Variants in NINL observed in about 807,000 individuals in gnomAD.
NINL encodes the protein ninein-like protein.
In NINL, 153 loss-of-function variants were observed where a neutral mutation model predicts 160.3. The observed-to-expected ratio is 0.95, with a 90% confidence interval of 0.84 to 1.09. The LOEUF is 1.09. Ranked by LOEUF, NINL falls within the 50% of genes least tolerant of loss-of-function variation. NINL has a pLI of 0.00. For missense variants in NINL, 1,829 were observed against 1,764.0 expected (o/e 1.04, Z -0.66); for synonymous variants, 800 against 734.8 (o/e 1.09, Z -1.43).
rs769108338 is a variant in NINL at position 25,477,051 on chromosome 20, C to T, written c.2240G>A (p.Gly747Glu). The change falls in exon 17 of 24, where the codon GGG (glycine) becomes GAG (glutamate). Residue 747 changes from glycine to glutamate, a missense_variant. Coordinates refer to ENST00000278886, the MANE Select transcript of NINL (RefSeq NM_025176.6). ...AEAELSGELS[G>E]LGALPARRDL... ...TCTGCGAGCGGGCAGGGCTCCCAGCCCCGACAGCTCTCCACTCAGCTCCGC... is the reference window on the plus strand; with the variant it reads ...TCTGCGAGCGGGCAGGGCTCCCAGCTCCGACAGCTCTCCACTCAGCTCCGC... 1.9e-6 allele frequency: 3 copies of T among 1,598,554 alleles called. No homozygotes were observed. The highest frequency in any genetic ancestry group is 1.7e-4 in the Middle Eastern group (1 of 6,000).
chr20:25,575,706 G>A (rs566551288), intron 1 of NINL, among the ~76,000 whole-genome samples: 39 of 151,098 alleles, frequency 2.6e-4, no homozygotes, highest in African/African-American at 8.8e-4. Flanking sequence ...AGCCGAGATC[G>A]CGCCATCCAG....
rs148370581 is a variant in NINL, at chr20:25,525,166, G to A, written c.180+1242C>T. On this transcript the variant is annotated intron_variant, in intron 2 of 23. Coordinates refer to ENST00000278886, the MANE Select transcript of NINL (RefSeq NM_025176.6). ...GAGAAAGGGCATGAGTTTGCCTGAG[G>A]AGAGTTCCTTATGAGGGAGGCACAG... 9.2e-5 allele frequency among the ~76,000 whole-genome samples: 14 copies of A among 152,298 alleles called. No individual in the cohort carries two copies. In the East Asian group the frequency reaches 2.7e-3, roughly 29 times the overall value.
At chr20:25,554,081 A>C (rs2064835576) in intron 1 of NINL, among the ~76,000 whole-genome samples, 1 of 152,180 alleles carries the variant, frequency 6.6e-6, no homozygotes, top group Admixed American at 6.5e-5. Context: ...GTGTGGGGGA[A>C]GTGAGAGTGA....
intron 1 of NINL, among the ~76,000 whole-genome samples, chr20:25,543,788 A>C (rs2064698111): frequency 6.6e-6 from 1 of 152,064 alleles, no homozygotes; most frequent in East Asian, 1.9e-4. Context: ...TTGATGTTGA[A>C]AGCAACCAAC....
intron 1 of NINL, among the ~76,000 whole-genome samples, chr20:25,582,922 T>C (rs1442316083): frequency 1.3e-5 from 2 of 152,232 alleles, no homozygotes; most frequent in Non-Finnish European, 2.9e-5. Context: ...GAAAACTGGC[T>C]AGCCATATGC....
chr20:25,493,641 C>T lies in NINL; in HGVS notation c.1311-2116G>A, dbSNP rs182733563. Among the ~76,000 whole-genome samples the T allele has an allele frequency of 2.1e-3, 313 of 152,226 alleles. 2 individuals carry two copies. The East Asian group carries it at 0.046, about 22-fold the overall frequency. ...AGTCAAGGTCACCTCCCCCAGGGGC[C>T]GGGGGGCATCTTTTGGTCCCTCCTC... On this transcript the variant is annotated intron_variant, in intron 10 of 23. Coordinates refer to ENST00000278886, the MANE Select transcript of NINL (RefSeq NM_025176.6).
At position 25,465,554 on chromosome 20, in the gene NINL, C is replaced by G. The variant is rs537663378; in HGVS notation, c.3423+1835G>C. On this transcript the variant is annotated intron_variant, in intron 19 of 23. Transcript: ENST00000278886. ...CAGGTCCAGCCCCATGAGGAGAGGC[C>G]CCAGACAGACACAAGCAGAAGGGGT... Among the ~76,000 whole-genome samples the G allele has an allele frequency of 3.1e-3, 473 of 152,162 alleles. 2 individuals are homozygous for G. Among genetic ancestry groups the G allele is most frequent in the Non-Finnish European group, 5.4e-3 (369 of 67,984 alleles).
At chr20:25,509,582 G>A (rs1601184777) in intron 5 of NINL, 1 of 447,452 alleles carries the variant, frequency 2.2e-6, no homozygotes, top group East Asian at 7.0e-5. Flanking sequence ...CAAGCCTGCT[G>A]CAAGGGTTAG....
chr20:25,487,520 T>C (rs2063527976), intron 13 of NINL, among the ~76,000 whole-genome samples: 1 of 152,238 alleles, frequency 6.6e-6, no homozygotes, highest in Non-Finnish European at 1.5e-5. Context: ...CAGTGTCTAT[T>C]GTTACAACTT....
chr20:25,532,434 T>A (rs1026942082), intron 1 of NINL, among the ~76,000 whole-genome samples: 2 of 152,210 alleles, frequency 1.3e-5, no homozygotes, highest in Non-Finnish European at 2.9e-5. Flanking sequence ...GCTCATGGCA[T>A]AGGCAGTAGG....
At chr20:25,543,254 T>TA (rs903742302) in intron 1 of NINL, among the ~76,000 whole-genome samples, 41 of 151,236 alleles carry the variant, frequency 2.7e-4, no homozygotes, top group African/African-American at 1.0e-3. Context: ...AATCAGCACT[T>TA]AAAAATCAGT....
At chr20:25,572,791 T>G (rs1192434854) in intron 1 of NINL, among the ~76,000 whole-genome samples, 1 of 152,188 alleles carries the variant, frequency 6.6e-6, no homozygotes, top group East Asian at 1.9e-4. Flanking sequence ...TAAATCAACC[T>G]GAAAAGCCCT....
At chr20:25,557,601 T>C (rs2064882856) in intron 1 of NINL, among the ~76,000 whole-genome samples, 1 of 151,830 alleles carries the variant, frequency 6.6e-6, no homozygotes, top group Non-Finnish European at 1.5e-5. Flanking sequence ...TTTATAGTGA[T>C]AATTCAACAC....
chr20:25,469,391 CT>C (rs1353176402), intron 18 of NINL, among the ~76,000 whole-genome samples: 2 of 136,480 alleles, frequency 1.5e-5, no homozygotes, highest in East Asian at 4.9e-4. Context: ...CTGACTCTCA[CT>C]GGTGGCCCCC....
At position 25,504,956 on chromosome 20, in the gene NINL, C is replaced by T. The variant is rs527514922; in HGVS notation, c.640G>A (p.Gly214Arg). ...VWEELGVGSS[G>R]HLSEQELAVV... ...GCCAGCTCCTGCTCGCTCAGGTGTC[C>T]GCTGCTGCCCACCCCCAGCTCTTCC... The change falls in exon 6 of 24, where the codon GGA (glycine) becomes AGA (arginine). Residue 214 changes from glycine (G) to arginine (R), a missense_variant. Coordinates refer to ENST00000278886, the MANE Select transcript of NINL (RefSeq NM_025176.6). The T allele has an allele frequency of 5.6e-5, 91 of 1,613,104 alleles. No homozygotes were observed. Among genetic ancestry groups the T allele is most frequent in the Middle Eastern group, 1.9e-4 (1 of 5,304 alleles).
At chr20:25,496,533 G>C in intron 10 of NINL, 130 bp downstream of exon 10, 2 of 1,105,474 alleles carry the variant, frequency 1.8e-6, no homozygotes, top group Non-Finnish European at 2.6e-6. Context: ...CCCTGACTCA[G>C]GTGAAATAGG....
chr20:25,573,063 G>A (rs761069751), intron 1 of NINL, among the ~76,000 whole-genome samples: 13 of 152,220 alleles, frequency 8.5e-5, no homozygotes, highest in South Asian at 2.1e-4. Context: ...TTGGGAGGCC[G>A]AGGCGGGCGG....
intron 23 of NINL, 149 bp from the exon 24 acceptor site, chr20:25,453,791 C>T: frequency 1.6e-6 from 1 of 639,422 alleles, no homozygotes; most frequent in Admixed American, 3.4e-5. Flanking sequence ...TGGTTCACGC[C>T]TGTAATCCCA....
intron 4 of NINL, among the ~76,000 whole-genome samples, chr20:25,512,573 G>T (rs2064090359): frequency 6.6e-6 from 1 of 152,154 alleles, no homozygotes; most frequent in Admixed American, 6.6e-5. Flanking sequence ...CCCCAGCCAT[G>T]CCTCCTGCAC....
Sources: allele counts gnomAD v4.1 joint callset (sites outside exome capture counted in the v4.1 genomes callset), GRCh38; gene constraint gnomAD v4.1.1; transcripts MANE v1.5; gene names NCBI Gene and HGNC (gene_info 2026-07-23, HGNC 2026-07-21).